The following FRMPD4 variants were observed in gnomAD, a reference collection of about 807,000 sequenced individuals.
FRMPD4 encodes the protein FERM and PDZ domain containing 4, also known as FERM and PDZ domain-containing protein 4.
In FRMPD4, 22 loss-of-function variants were observed where a neutral mutation model predicts 94.1. The ratio of observed to expected loss-of-function variants is 0.23; its 90% confidence interval spans 0.17 to 0.33. The LOEUF is 0.33. Among genes scored for constraint, FRMPD4 ranks in the 10% least tolerant of loss-of-function variants. The pLI, the probability that FRMPD4 is intolerant of heterozygous loss-of-function variation, is 1.00. For synonymous variants in FRMPD4, 631 were observed against 548.6 expected (o/e 1.15, Z -2.10); for missense variants, 1,111 against 1,339.9 (o/e 0.83, Z 2.67).
intron 1 of FRMPD4, among the ~76,000 whole-genome samples, chrX:12,326,184 C>T (rs758245685): frequency 9.0e-6 from 1 of 111,689 alleles, no homozygotes; most frequent in Admixed American, 9.5e-5. Context: ...CATGCTAATG[C>T]TACTCAGTTT....
chrX:12,402,859 A>G (rs1277929236), intron 1 of FRMPD4, among the ~76,000 whole-genome samples: 1 of 112,244 alleles, frequency 8.9e-6, no homozygotes, highest in Non-Finnish European at 1.9e-5. Flanking sequence ...TCTTGGAAGC[A>G]GAGATCAGCC....
intron 1 of FRMPD4, among the ~76,000 whole-genome samples, chrX:12,352,551 G>A (rs1312336954): frequency 8.9e-6 from 1 of 112,367 alleles, no homozygotes; most frequent in African/African-American, 3.2e-5. Context: ...ACTATTGATA[G>A]GAATGATTCA....
rs748621687 is a variant in FRMPD4 at position 12,717,573 on chromosome X, T to C, written c.2747T>C (p.Met916Thr). The change falls in exon 16 of 17, where the codon ATG (methionine) becomes ACG (threonine). Residue 916 changes from methionine (M) to threonine (T), a missense_variant. Coordinates refer to ENST00000675598, the MANE Select transcript of FRMPD4 (RefSeq NM_001368397.1). ...GGCAATGAAACTAACTCTTCTGAAA[T>C]GACTGAGAGTTCTGAACTGGCCACA... ...DSGNETNSSEMTESSELATAQ... is the reference protein window; with the variant it reads ...DSGNETNSSETTESSELATAQ... The C allele has an allele frequency of 4.2e-6, 5 of 1,199,626 alleles. No individual in the cohort carries two copies. The highest frequency in any genetic ancestry group is 5.6e-6 in the Non-Finnish European group (5 of 886,004).
At chrX:12,414,254 C>G (rs2056770962) in intron 1 of FRMPD4, among the ~76,000 whole-genome samples, 1 of 112,475 alleles carries the variant, frequency 8.9e-6, no homozygotes, top group African/African-American at 3.2e-5. Flanking sequence ...AGATTCCTAT[C>G]AGTGTAACTT....
chrX:12,672,350 G>A (rs1414940366), intron 4 of FRMPD4, among the ~76,000 whole-genome samples: 13 of 111,748 alleles, frequency 1.2e-4, no homozygotes, highest in African/African-American at 4.2e-4. Flanking sequence ...ATATTTCTGC[G>A]AAGGCCCTCT....
At chrX:12,057,277 C>T (rs1031372151) in intron 3 of FRMPD4, among the ~76,000 whole-genome samples, 8 of 111,245 alleles carry the variant, frequency 7.2e-5, no homozygotes, top group Non-Finnish European at 9.4e-5. Context: ...TGTGTCATTT[C>T]TTACTTTTAG....
intron 3 of FRMPD4, among the ~76,000 whole-genome samples, chrX:11,895,101 G>C (rs745327470): frequency 3.6e-5 from 4 of 111,807 alleles, no homozygotes; most frequent in Non-Finnish European, 7.5e-5. Flanking sequence ...CATGATTCTT[G>C]CTCTTGCTTG....
At chrX:12,220,601 C>G (rs2056855082) in intron 1 of FRMPD4, among the ~76,000 whole-genome samples, 1 of 111,771 alleles carries the variant, frequency 8.9e-6, no homozygotes, top group African/African-American at 3.3e-5. Flanking sequence ...ACATACGAAC[C>G]CTGATGTAAC....
At chrX:12,094,102 G>A in intron 3 of FRMPD4, among the ~76,000 whole-genome samples, 1 of 111,882 alleles carries the variant, frequency 8.9e-6, no homozygotes, top group Non-Finnish European at 1.9e-5. Context: ...TTTTCTCTAG[G>A]TGATAGCAAT....
chrX:11,877,735 A>C (rs1334903674), intron 2 of FRMPD4, among the ~76,000 whole-genome samples: 1 of 112,361 alleles, frequency 8.9e-6, no homozygotes, highest in Non-Finnish European at 1.9e-5. Context: ...TTGTTTAAGA[A>C]TATCTGGTTT....
At chrX:12,180,414 G>C (rs1274464695) in intron 1 of FRMPD4, among the ~76,000 whole-genome samples, 1 of 111,671 alleles carries the variant, frequency 9.0e-6, no homozygotes, top group Non-Finnish European at 1.9e-5. Context: ...ATTGAATTAA[G>C]AGTTAGGGGT....
chrX:12,219,369 A>C (rs2147754644), intron 1 of FRMPD4, among the ~76,000 whole-genome samples: 1 of 111,615 alleles, frequency 9.0e-6, no homozygotes, highest in East Asian at 2.8e-4. Context: ...TGTCCCAAAA[A>C]AAAAGACAAA....
intron 2 of FRMPD4, among the ~76,000 whole-genome samples, chrX:12,553,879 G>A (rs1464158974): frequency 8.9e-6 from 1 of 111,865 alleles, no homozygotes; most frequent in Non-Finnish European, 1.9e-5. Context: ...AGAAAGTTTG[G>A]TGCCTAATTT....
chrX:12,102,341 C>A (rs1328752907), intron 3 of FRMPD4, among the ~76,000 whole-genome samples: 1 of 111,539 alleles, frequency 9.0e-6, no homozygotes, highest in Non-Finnish European at 1.9e-5. Context: ...AAAAGGAAAG[C>A]CGTCACCGTG....
intron 2 of FRMPD4, among the ~76,000 whole-genome samples, chrX:12,530,072 A>T (rs2058268852): frequency 9.0e-6 from 1 of 111,567 alleles, no homozygotes; most frequent in South Asian, 3.8e-4. Context: ...GGGGCACACA[A>T]ACACTCAGGC....
At chrX:12,033,490 G>A (rs1203993247) in intron 3 of FRMPD4, among the ~76,000 whole-genome samples, 2 of 111,251 alleles carry the variant, frequency 1.8e-5, no homozygotes, top group African/African-American at 6.5e-5. Context: ...TGCAGATGAA[G>A]TCAGGGGATT....
intron 3 of FRMPD4, among the ~76,000 whole-genome samples, chrX:12,073,144 T>C (rs1212511220): frequency 9.0e-6 from 1 of 111,591 alleles, no homozygotes; most frequent in East Asian, 2.8e-4. Context: ...CAGTCATTTC[T>C]TAATTAACAT....
At chrX:12,147,819 C>CATTATT (rs1470004833) in intron 1 of FRMPD4, among the ~76,000 whole-genome samples, 1 of 111,755 alleles carries the variant, frequency 8.9e-6, no homozygotes, top group African/African-American at 3.3e-5. Context: ...TCATATTTTT[C>CATTATT]ATTATTATTA....
chrX:11,851,502 A>G (rs2053621912), intron 1 of FRMPD4, among the ~76,000 whole-genome samples: 1 of 111,674 alleles, frequency 9.0e-6, no homozygotes, highest in Non-Finnish European at 1.9e-5. Flanking sequence ...CTTAAGACAC[A>G]GTAGAAACAG....
Sources: gnomAD v4.1 joint callset for allele counts (sites outside exome capture counted in the v4.1 genomes callset) on GRCh38, gnomAD v4.1.1 for gene constraint, MANE v1.5 for transcripts, NCBI Gene and HGNC (gene_info 2026-07-23, HGNC 2026-07-21) for gene names.